Variants in BICC1 observed in about 807,000 individuals in gnomAD.
BICC1 encodes the protein BicC family RNA binding protein 1, also known as protein bicaudal C homolog 1.
BICC1 carries 43 observed loss-of-function variants against 111.0 expected under a neutral mutation model. The ratio of observed to expected loss-of-function variants is 0.39; its 90% confidence interval spans 0.30 to 0.50. The LOEUF is 0.50. Ranked by LOEUF, BICC1 falls within the 20% of genes least tolerant of loss-of-function variation. The probability of loss-of-function intolerance (pLI) is 0.88; values close to 1 mark genes in which losing one functional copy is unlikely to be tolerated. For missense variants in BICC1, 1,091 were observed against 1,203.2 expected, an observed-to-expected ratio of 0.91 and a Z score of 1.38; for synonymous variants, 467 against 434.4, an observed-to-expected ratio of 1.07 and a Z score of -0.93.
At chr10:58,582,081 A>G (rs1844298242) in intron 1 of BICC1, among the ~76,000 whole-genome samples, 1 of 152,142 alleles carries the variant, frequency 6.6e-6, no homozygotes, top group Non-Finnish European at 1.5e-5. Flanking sequence ...CAATTTTTGA[A>G]GATTGCTCCT....
chr10:58,653,731 G>A lies in BICC1; in HGVS notation c.237+32830G>A, dbSNP rs184523319. 2.6e-5 allele frequency among the ~76,000 whole-genome samples: 4 copies of A among 151,078 alleles called. No individual in the cohort carries two copies. In the East Asian group the frequency reaches 7.8e-4, roughly 30 times the overall value. ...GTTTTAGGGTACATGTGCACATTGT[G>A]CAGTTTAGTTACATATGTATACATG... On this transcript the variant is annotated intron_variant, in intron 2 of 20. Transcript: ENST00000373886.
chr10:58,727,694 A>T (rs912079970), intron 3 of BICC1, among the ~76,000 whole-genome samples: 2 of 152,200 alleles, frequency 1.3e-5, no homozygotes, highest in African/African-American at 4.8e-5. Flanking sequence ...TGTATTGAAA[A>T]TATAATCTTT....
At chr10:58,745,953 C>G (rs1238051563) in intron 3 of BICC1, among the ~76,000 whole-genome samples, 1 of 151,978 alleles carries the variant, frequency 6.6e-6, no homozygotes, top group African/African-American at 2.4e-5. Flanking sequence ...TTCTGCAATT[C>G]TAATATTCTA....
intron 2 of BICC1, among the ~76,000 whole-genome samples, chr10:58,662,357 C>A (rs1838870679): frequency 1.3e-5 from 2 of 152,136 alleles, no homozygotes; most frequent in African/African-American, 4.8e-5. Context: ...ATGAAATAAT[C>A]CTTTTAAACA....
chr10:58,606,758 C>T (rs1845228169), intron 1 of BICC1, among the ~76,000 whole-genome samples: 1 of 151,820 alleles, frequency 6.6e-6, no homozygotes, highest in Non-Finnish European at 1.5e-5. Context: ...AGTATTTTTT[C>T]TTTCAGTTAC....
At chr10:58,688,148 A>C (rs1280461573) in intron 2 of BICC1, among the ~76,000 whole-genome samples, 2 of 152,028 alleles carry the variant, frequency 1.3e-5, no homozygotes, top group East Asian at 3.9e-4. Context: ...CAGCAGCAAG[A>C]TTTATTATGA....
At chr10:58,795,660 T>A (rs1304598023) in intron 9 of BICC1, among the ~76,000 whole-genome samples, 1 of 152,138 alleles carries the variant, frequency 6.6e-6, no homozygotes, top group African/African-American at 2.4e-5. Context: ...ATTTTTTTTT[T>A]TTTTGGTCCA....
intron 3 of BICC1, among the ~76,000 whole-genome samples, chr10:58,717,191 A>G: frequency 6.6e-6 from 1 of 152,232 alleles, no homozygotes; most frequent in East Asian, 1.9e-4. Context: ...TTAACCAGTC[A>G]GGAAAATTTT....
intron 2 of BICC1, among the ~76,000 whole-genome samples, chr10:58,690,319 T>C (rs960122416): frequency 2.0e-5 from 3 of 152,214 alleles, no homozygotes; most frequent in Non-Finnish European, 4.4e-5. Context: ...TTACAGGCCA[T>C]GGCAGTAAAA....
chr10:58,736,560 C>T (rs559447107), intron 3 of BICC1, among the ~76,000 whole-genome samples: 54 of 152,276 alleles, frequency 3.5e-4, no homozygotes, highest in African/African-American at 1.3e-3. Context: ...TTGTGACCGA[C>T]TCATTTCATG....
At chr10:58,759,957 CAAAAGA>C (rs1842262612) in intron 3 of BICC1, among the ~76,000 whole-genome samples, 1 of 77,564 alleles carries the variant, frequency 1.3e-5, no homozygotes, top group African/African-American at 4.6e-5. Context: ...AGACTCGTCT[CAAAAGA>C]AAAAGAAAAA....
chr10:58,606,487 C>CAA (rs926352059), intron 1 of BICC1, among the ~76,000 whole-genome samples: 2 of 151,948 alleles, frequency 1.3e-5, no homozygotes, highest in African/African-American at 4.8e-5. Flanking sequence ...GGGTGCAGCG[C>CAA]ACCAGCATGG....
chr10:58,760,598 A>C (rs1842285419), intron 3 of BICC1, among the ~76,000 whole-genome samples: 1 of 152,194 alleles, frequency 6.6e-6, no homozygotes, highest in Non-Finnish European at 1.5e-5. Flanking sequence ...ATTAAAGAAT[A>C]ATTTTCTGGG....
At chr10:58,633,979 T>TTTTC (rs1491028463) in intron 2 of BICC1, among the ~76,000 whole-genome samples, 2 of 146 alleles carry the variant, frequency 0.014, no homozygotes, top group East Asian at 0.2. Context: ...TTCTTTTTCT[T>TTTTC]TTTTTTTTTT....
chr10:58,780,746 C>A (rs1842861777), intron 3 of BICC1, among the ~76,000 whole-genome samples: 1 of 152,194 alleles, frequency 6.6e-6, no homozygotes, highest in African/African-American at 2.4e-5. Flanking sequence ...AAGAGATAAT[C>A]TTTTAAAAGC....
chr10:58,691,747 C>G lies in BICC1; in HGVS notation c.238-10327C>G, dbSNP rs114459129. 8.5e-3 allele frequency among the ~76,000 whole-genome samples: 1,298 copies of G among 152,244 alleles called. 21 individuals carry two copies. The highest frequency in any genetic ancestry group is 0.029 in the African/African-American group (1,215 of 41,550). On this transcript the variant is annotated intron_variant, in intron 2 of 20. Coordinates refer to ENST00000373886, the MANE Select transcript of BICC1 (RefSeq NM_001080512.3). The stretch of plus-strand genomic sequence containing the variant: ...CATTTTCCACAGCCCTCGCTTGGCT[C>G]GGTTTGCCTCTCACTCACTGCACTC...
intron 3 of BICC1, among the ~76,000 whole-genome samples, chr10:58,778,833 C>T (rs1377251527): frequency 6.6e-6 from 1 of 152,186 alleles, no homozygotes; most frequent in Non-Finnish European, 1.5e-5. Flanking sequence ...TTTTACTCCC[C>T]TCTTGAAATA....
chr10:58,701,476 A>G (rs891121649), intron 2 of BICC1, among the ~76,000 whole-genome samples: 1 of 152,164 alleles, frequency 6.6e-6, no homozygotes, highest in Non-Finnish European at 1.5e-5. Context: ...TGTTAGCTGC[A>G]TGTGCAAGTG....
intron 14 of BICC1, 28 bp downstream of exon 14, chr10:58,801,074 T>C: frequency 6.5e-7 from 1 of 1,535,868 alleles, no homozygotes; most frequent in Non-Finnish European, 8.8e-7. Flanking sequence ...TAAAGAGCCC[T>C]TGATATTTTG....
Sources: gnomAD v4.1 joint callset for allele counts (sites outside exome capture counted in the v4.1 genomes callset) on GRCh38, gnomAD v4.1.1 for gene constraint, MANE v1.5 for transcripts, NCBI Gene and HGNC (gene_info 2026-07-23, HGNC 2026-07-21) for gene names.